Variants in CLCN5 observed in about 807,000 individuals in gnomAD.
The protein encoded by CLCN5 is H(+)/Cl(-) exchange transporter 5.
Under a neutral mutation model 54.0 loss-of-function variants are expected in CLCN5, and 17 were observed. That is an observed-to-expected ratio of 0.31 (90% confidence interval 0.22 to 0.47). The LOEUF (loss-of-function observed/expected upper bound fraction) is 0.47. Ranked by LOEUF, CLCN5 falls within the 20% of genes least tolerant of loss-of-function variation. The probability of loss-of-function intolerance (pLI) is 1.00; values close to 1 mark genes in which losing one functional copy is unlikely to be tolerated. For synonymous variants in CLCN5, 222 were observed against 233.0 expected, an observed-to-expected ratio of 0.95 and a Z score of 0.43; for missense variants, 448 against 646.7, an observed-to-expected ratio of 0.69 and a Z score of 3.33.
chrX:50,051,540 G>A (rs376887532), intron 4 of CLCN5, among the ~76,000 whole-genome samples: 1 of 112,073 alleles, frequency 8.9e-6, no homozygotes, highest in Admixed American at 9.4e-5. Context: ...TCAGTTTATT[G>A]TAGCTGCAAA....
intron 4 of CLCN5, among the ~76,000 whole-genome samples, chrX:50,049,813 G>T (rs1162625190): frequency 8.9e-6 from 1 of 111,809 alleles, no homozygotes; most frequent in African/African-American, 3.3e-5. Flanking sequence ...ATGTAGAATA[G>T]TTTCACTGCC....
At chrX:50,013,472 G>A in intron 3 of CLCN5, 2 of 239,171 alleles carry the variant, frequency 8.4e-6, no homozygotes, top group Non-Finnish European at 1.6e-5. Context: ...GAGGTATTAG[G>A]TGCCTAGACT....
At chrX:50,066,568 C>T (rs1933031516) in intron 4 of CLCN5, among the ~76,000 whole-genome samples, 1 of 112,105 alleles carries the variant, frequency 8.9e-6, no homozygotes, top group Non-Finnish European at 1.9e-5. Flanking sequence ...TTAGGGAATC[C>T]TCCCAATTTA....
At chrX:50,004,073 G>T (rs902040724) in intron 3 of CLCN5, among the ~76,000 whole-genome samples, 1 of 112,283 alleles carries the variant, frequency 8.9e-6, no homozygotes, top group South Asian at 3.7e-4. Flanking sequence ...AAGAGGGTGT[G>T]TGAAGATCTG....
At chrX:50,045,646 T>A (rs1370817105) in intron 4 of CLCN5, among the ~76,000 whole-genome samples, 1 of 112,313 alleles carries the variant, frequency 8.9e-6, no homozygotes, top group Non-Finnish European at 1.9e-5. Flanking sequence ...TTGTAGAATG[T>A]GTTTTCACAT....
At chrX:49,982,461 A>G (rs1928783848) in intron 3 of CLCN5, among the ~76,000 whole-genome samples, 1 of 111,468 alleles carries the variant, frequency 9.0e-6, no homozygotes, top group Non-Finnish European at 1.9e-5. Context: ...CCCCCTTTTC[A>G]GTAAATGCAG....
At chrX:49,941,220 G>C (rs1926311896) in intron 3 of CLCN5, among the ~76,000 whole-genome samples, 1 of 110,403 alleles carries the variant, frequency 9.1e-6, no homozygotes, top group Admixed American at 9.7e-5. Flanking sequence ...TGCTTGGGAA[G>C]CTGAGGCATG....
chrX:50,018,845 C>T (rs1489269843), intron 3 of CLCN5, among the ~76,000 whole-genome samples: 4 of 111,783 alleles, frequency 3.6e-5, no homozygotes, highest in African/African-American at 9.8e-5. Context: ...TATATATTCT[C>T]GTGCTCAATT....
At chrX:50,073,832 A>G (rs1557191773) in intron 6 of CLCN5, among the ~76,000 whole-genome samples, 1 of 111,918 alleles carries the variant, frequency 8.9e-6, no homozygotes, top group Admixed American at 9.5e-5. Flanking sequence ...GACAATAGGT[A>G]AACAAGCCCA....
chrX:50,027,474 T>G (rs1263351754), intron 3 of CLCN5, among the ~76,000 whole-genome samples: 1 of 112,135 alleles, frequency 8.9e-6, no homozygotes, highest in Non-Finnish European at 1.9e-5. Context: ...GCTCATTCTT[T>G]CTCTGCTGTG....
chrX:50,026,551 T>C (rs1557185034), intron 3 of CLCN5, among the ~76,000 whole-genome samples: 1 of 111,841 alleles, frequency 8.9e-6, no homozygotes, highest in Non-Finnish European at 1.9e-5. Flanking sequence ...GACGCTGTTG[T>C]TAGGTGCTTA....
chrX:49,966,620 A>ATTT (rs1557175500), intron 3 of CLCN5, among the ~76,000 whole-genome samples: 1 of 18,352 alleles, frequency 5.4e-5, no homozygotes, highest in Non-Finnish European at 7.6e-5. Context: ...TTATTTTTTT[A>ATTT]TTTTTTTTAT....
intron 4 of CLCN5, among the ~76,000 whole-genome samples, chrX:50,065,671 C>G (rs2147530243): frequency 1.0e-5 from 1 of 99,131 alleles, no homozygotes; most frequent in Admixed American, 1.1e-4. Context: ...GGTATATACC[C>G]AAAGGACTAT....
chrX:50,004,417 G>A (rs370284336), intron 3 of CLCN5, among the ~76,000 whole-genome samples: 1 of 111,228 alleles, frequency 9.0e-6, no homozygotes, highest in Non-Finnish European at 1.9e-5. Flanking sequence ...ATAGATGGTG[G>A]TGGAGAAGTT....
chrX:50,089,993 G>A, intron 12 of CLCN5, 123 bp from the exon 13 acceptor site: 1 of 674,388 alleles, frequency 1.5e-6, no homozygotes, highest in East Asian at 3.2e-5. Flanking sequence ...CAATCTCTGG[G>A]GTCTGCACAG....
At chrX:50,056,504 C>G in intron 4 of CLCN5, among the ~76,000 whole-genome samples, 1 of 111,721 alleles carries the variant, frequency 9.0e-6, no homozygotes, top group East Asian at 2.8e-4. Flanking sequence ...AATCTAGCCC[C>G]TTTACTTCAT....
At chrX:49,963,127 T>C (rs1557174969) in intron 3 of CLCN5, among the ~76,000 whole-genome samples, 1 of 111,938 alleles carries the variant, frequency 8.9e-6, no homozygotes, top group African/African-American at 3.2e-5. Context: ...GGATGACTTG[T>C]GTAAAAGGAT....
At chrX:50,051,335 G>T (rs1316116825) in intron 4 of CLCN5, among the ~76,000 whole-genome samples, 1 of 111,990 alleles carries the variant, frequency 8.9e-6, no homozygotes, top group Non-Finnish European at 1.9e-5. Context: ...GACTGTATTT[G>T]TGTGGGTCTA....
chrX:49,952,372 A>AC (rs1557173169), intron 3 of CLCN5, among the ~76,000 whole-genome samples: 1 of 111,100 alleles, frequency 9.0e-6, no homozygotes, highest in African/African-American at 3.3e-5. Flanking sequence ...GCTTTACAAA[A>AC]AAAAAAAGGG....
Sources: allele counts gnomAD v4.1 joint callset (sites outside exome capture counted in the v4.1 genomes callset), GRCh38; gene constraint gnomAD v4.1.1; transcripts MANE v1.5; gene names NCBI Gene and HGNC (gene_info 2026-07-23, HGNC 2026-07-21).